Variants in NUP160 observed in about 807,000 individuals in gnomAD.
NUP160 encodes the protein nucleoporin 160.
NUP160 carries 94 observed loss-of-function variants against 196.9 expected under a neutral mutation model. The ratio of observed to expected loss-of-function variants is 0.48; its 90% confidence interval spans 0.40 to 0.57. The LOEUF is 0.57. Ranked by LOEUF, NUP160 falls within the 20% of genes least tolerant of loss-of-function variation. NUP160 has a pLI of 0.00. For missense variants in NUP160, 1,638 were observed against 1,748.3 expected (o/e 0.94, Z 1.13); for synonymous variants, 605 against 619.7 (o/e 0.98, Z 0.35).
intron 7 of NUP160, 32 bp downstream of exon 7, chr11:47,835,619 A>G (rs1852156887): frequency 1.3e-6 from 2 of 1,518,802 alleles, no homozygotes; most frequent in Non-Finnish European, 1.8e-6. Context: ...TACACACAGA[A>G]TAACTTGGTA....
intron 29 of NUP160, among the ~76,000 whole-genome samples, chr11:47,790,364 A>G (rs2097667229): frequency 6.6e-6 from 1 of 151,860 alleles, no homozygotes; most frequent in Non-Finnish European, 1.5e-5. Flanking sequence ...AGTTCAAGCA[A>G]TTCTCCTGCC....
chr11:47,825,132 A>G (rs1851943682), intron 7 of NUP160, among the ~76,000 whole-genome samples: 1 of 151,894 alleles, frequency 6.6e-6, no homozygotes, highest in Admixed American at 6.6e-5. Flanking sequence ...AACCGCGCCC[A>G]GCCGGACTTT....
rs148316960 is a variant in NUP160, at chr11:47,793,886, G to A, written c.3290-940C>T. On this transcript the variant is annotated intron_variant, in intron 27 of 35. Coordinates refer to ENST00000378460, the Ensembl canonical transcript of NUP160. ...CCCACAAGTAGCCAGGATTACAGGC[G>A]CCCACCACCACACCTGGCTAATTTT... Among the ~76,000 whole-genome samples, 1,227 of 151,628 alleles carry A rather than the reference G, an allele frequency of 8.1e-3. 18 individuals carry two copies. The highest frequency in any genetic ancestry group is 0.028 in the African/African-American group (1,138 of 41,338).
chr11:47,816,232 G>C (rs2097684373), intron 11 of NUP160, among the ~76,000 whole-genome samples: 2 of 152,156 alleles, frequency 1.3e-5, no homozygotes, highest in African/African-American at 4.8e-5. Context: ...TAAAATACTT[G>C]AAGGGTTGAT....
At chr11:47,836,415 G>A (rs1469065527) in intron 6 of NUP160, among the ~76,000 whole-genome samples, 1 of 151,916 alleles carries the variant, frequency 6.6e-6, no homozygotes, top group Non-Finnish European at 1.5e-5. Flanking sequence ...TTAAATGAAA[G>A]GTCCAGTCTG....
intron 11 of NUP160, among the ~76,000 whole-genome samples, 180 bp downstream of exon 11, chr11:47,817,876 C>A (rs1249097231): frequency 6.6e-6 from 1 of 151,982 alleles, no homozygotes; most frequent in Non-Finnish European, 1.5e-5. Flanking sequence ...ACCTCTCCAC[C>A]ATGAATACTG....
Position 47,848,406 on chromosome 11 carries a change from G to C in NUP160, c.15C>G (p.Ser5=), listed in dbSNP as rs1468967583. ...CCGGGGGTGGGGCGGGCGGAGCTGC[G>C]GACAGGTGAAGCATTCCGGGAGCAG... The change falls in exon 1 of 36, where the codon TCC becomes TCG. Residue 5 remains serine (S), a synonymous_variant. Transcript: ENST00000378460. 2.5e-6 allele frequency: 4 copies of C among 1,586,282 alleles called. No homozygotes were observed. In the African/African-American group the frequency reaches 5.4e-5, roughly 21 times the overall value.
chr11:47,809,196 G>A (rs1191846379), intron 17 of NUP160, among the ~76,000 whole-genome samples: 1 of 148,786 alleles, frequency 6.7e-6, no homozygotes, highest in African/African-American at 2.5e-5. Context: ...CAAGGCTGCA[G>A]TGGGCCGAGA....
chr11:47,819,229 C>T (rs1391486516), intron 10 of NUP160, 145 bp downstream of exon 10: 26 of 589,194 alleles, frequency 4.4e-5, no homozygotes, highest in Non-Finnish European at 7.4e-5. Context: ...AAGAGAATTG[C>T]TTGAACCTGG....
chr11:47,828,130 A>C (rs185293183), intron 7 of NUP160, among the ~76,000 whole-genome samples: 287 of 152,296 alleles, frequency 1.9e-3, no homozygotes, highest in Non-Finnish European at 3.1e-3. Flanking sequence ...TGGCCTCCCA[A>C]AGTGCTGGGA....
In NUP160 at chr11:47,797,918, A is replaced by G. The variant is rs1344014071; in HGVS notation, c.3184-34T>C. ...GGGGAAGCAATCAGATAACTAAGTCAGTAGCAATCATGGCAACCACCATAC... is the reference window on the plus strand; with the variant it reads ...GGGGAAGCAATCAGATAACTAAGTCGGTAGCAATCATGGCAACCACCATAC... On this transcript the variant is annotated intron_variant, in intron 26 of 35. Transcript: ENST00000378460. The G allele has an allele frequency of 1.9e-6, 3 of 1,573,248 alleles. No individual in the cohort carries two copies. The East Asian group carries it at 6.7e-5, about 35-fold the overall frequency.
intron 9 of NUP160, 126 bp from the exon 10 acceptor site, chr11:47,819,584 T>C (rs1473340782): frequency 5.8e-6 from 3 of 519,854 alleles, no homozygotes; most frequent in Non-Finnish European, 1.0e-5. Flanking sequence ...TCATCAATTC[T>C]ATTAAAAACA....
chr11:47,803,870 T>G (rs2097675881), intron 21 of NUP160, among the ~76,000 whole-genome samples: 1 of 152,050 alleles, frequency 6.6e-6, no homozygotes, highest in South Asian at 2.1e-4. Context: ...GAAGAAAACC[T>G]AGCAGAGACA....
At chr11:47,780,250 C>CTT in intron 35 of NUP160, 93 bp downstream of exon 35, 1 of 916,548 alleles carries the variant, frequency 1.1e-6, no homozygotes, top group Admixed American at 1.9e-5. Flanking sequence ...TTTGTCTTCC[C>CTT]TTTCTAATCC....
chr11:47,824,895 G>T (rs1459253684), intron 7 of NUP160, among the ~76,000 whole-genome samples: 1 of 151,962 alleles, frequency 6.6e-6, no homozygotes, highest in Non-Finnish European at 1.5e-5. Context: ...GAGTGCAGTG[G>T]TGTGATCTCG....
chr11:47,797,728 G>C, intron 27 of NUP160, 51 bp downstream of exon 27: 1 of 1,306,936 alleles, frequency 7.7e-7, no homozygotes, highest in Non-Finnish European at 1.1e-6. Flanking sequence ...GGTAAAACAT[G>C]ATTAAACTAA....
At chr11:47,789,920 A>G (rs1328846020) in intron 29 of NUP160, among the ~76,000 whole-genome samples, 1 of 150,210 alleles carries the variant, frequency 6.7e-6, no homozygotes, top group African/African-American at 2.4e-5. Context: ...CAATTCACAC[A>G]TATTTTGTAT....
intron 29 of NUP160, among the ~76,000 whole-genome samples, chr11:47,790,730 G>A (rs563579821): frequency 6.6e-6 from 1 of 152,232 alleles, no homozygotes. Flanking sequence ...TTGCAGCCTA[G>A]GCAACACAGT....
At chr11:47,822,154 A>G in exon 8 of NUP160, 1 of 1,603,576 alleles carries the variant, frequency 6.2e-7, no homozygotes, top group Non-Finnish European at 8.5e-7. Flanking sequence ...CACCAACTGG[A>G]AAATGCAGAA....
Sources: allele counts gnomAD v4.1 joint callset (sites outside exome capture counted in the v4.1 genomes callset), GRCh38; gene constraint gnomAD v4.1.1; transcripts MANE v1.5; gene names NCBI Gene and HGNC (gene_info 2026-07-23, HGNC 2026-07-21).